Variants in WLS observed in about 807,000 individuals in gnomAD.
WLS encodes protein wntless homolog.
WLS carries 23 observed loss-of-function variants against 62.8 expected under a neutral mutation model. The observed-to-expected ratio is 0.37, with a 90% CI of 0.26 to 0.52. The LOEUF (loss-of-function observed/expected upper bound fraction) is 0.52, where lower values mean the gene tolerates loss of function less well. Ranked by LOEUF, WLS falls within the 20% of genes least tolerant of loss-of-function variation. The pLI, the probability that WLS is intolerant of heterozygous loss-of-function variation, is 0.92. For missense variants in WLS, 615 were observed against 697.3 expected, an observed-to-expected ratio of 0.88 and a Z score of 1.33; for synonymous variants, 246 against 244.1, an observed-to-expected ratio of 1.01 and a Z score of -0.07.
chr1:68,156,208 G>A (rs1344958896), intron 3 of WLS, among the ~76,000 whole-genome samples: 2 of 152,132 alleles, frequency 1.3e-5, no homozygotes, highest in African/African-American at 2.4e-5. Context: ...TATAGAAGAT[G>A]AGAGTCTACC....
At chr1:68,193,611 A>G (rs1648491310) in intron 2 of WLS, among the ~76,000 whole-genome samples, 1 of 151,952 alleles carries the variant, frequency 6.6e-6, no homozygotes, top group African/African-American at 2.4e-5. Flanking sequence ...CATTGGGGTG[A>G]ACTCCCCTGT....
At chr1:68,192,900 G>A (rs1328567250) in intron 2 of WLS, among the ~76,000 whole-genome samples, 1 of 148,304 alleles carries the variant, frequency 6.7e-6, no homozygotes, top group Non-Finnish European at 1.5e-5. Context: ...TTCAAGAGCA[G>A]CCTGGCCAAC....
intron 11 of WLS, among the ~76,000 whole-genome samples, chr1:68,133,268 G>T (rs918344282): frequency 6.6e-6 from 1 of 152,058 alleles, no homozygotes; most frequent in Non-Finnish European, 1.5e-5. Flanking sequence ...ATTCACTGCC[G>T]CTATGGTCCA....
At chr1:68,170,646 C>T (rs1026983614) in intron 2 of WLS, among the ~76,000 whole-genome samples, 2 of 152,200 alleles carry the variant, frequency 1.3e-5, no homozygotes, top group African/African-American at 2.4e-5. Flanking sequence ...GACTCCTACT[C>T]ATCTTCTGGA....
At chr1:68,213,842 T>G (rs1649620554) in intron 1 of WLS, among the ~76,000 whole-genome samples, 1 of 152,216 alleles carries the variant, frequency 6.6e-6, no homozygotes, top group African/African-American at 2.4e-5. Context: ...GCTAACCTAG[T>G]TCAGAACTTG....
chr1:68,171,727 A>G (rs1300060311), intron 2 of WLS, among the ~76,000 whole-genome samples: 10 of 152,262 alleles, frequency 6.6e-5, no homozygotes, highest in Non-Finnish European at 1.5e-5. Flanking sequence ...AGTGTAAATT[A>G]GTTCAACCAT....
At chr1:68,184,644 C>T (rs1210929478) in intron 2 of WLS, among the ~76,000 whole-genome samples, 1 of 152,188 alleles carries the variant, frequency 6.6e-6, no homozygotes, top group Non-Finnish European at 1.5e-5. Flanking sequence ...AAATTGAAAT[C>T]CCATATCCCT....
chr1:68,133,051 GCAGCAACA>G (rs1646552003), intron 11 of WLS, among the ~76,000 whole-genome samples: 1 of 151,954 alleles, frequency 6.6e-6, no homozygotes, highest in Non-Finnish European at 1.5e-5. Flanking sequence ...AAAGGCAGCA[GCAGCAACA>G]GCAACAGCAG....
At chr1:68,204,388 C>T (rs891597330) in intron 1 of WLS, among the ~76,000 whole-genome samples, 8 of 152,014 alleles carry the variant, frequency 5.3e-5, no homozygotes, top group Admixed American at 3.3e-4. Flanking sequence ...GGCGCGGTCT[C>T]GGCTCACTGC....
In WLS at chr1:68,150,413, A is replaced by C; in HGVS notation, c.804-57T>G. On this transcript the variant is annotated intron_variant, in intron 5 of 11. Coordinates refer to ENST00000262348, the MANE Select transcript of WLS (RefSeq NM_024911.7). ...TTATTCATCTGGAAGGCAGATTTTC[A>C]AACAATTCCCCGAATTCAGTTTTGA... The C allele has an allele frequency of 3.8e-6, 6 of 1,597,114 alleles. No homozygotes were observed. In the South Asian group the frequency reaches 5.6e-5, roughly 15 times the overall value.
intron 1 of WLS, among the ~76,000 whole-genome samples, chr1:68,223,096 G>A (rs1047333016): frequency 6.6e-6 from 1 of 152,076 alleles, no homozygotes; most frequent in Admixed American, 6.5e-5. Context: ...AGTGAGGGTT[G>A]GCAAATCATC....
At chr1:68,168,513 A>G (rs11587907) in intron 2 of WLS, among the ~76,000 whole-genome samples, 14,164 of 152,228 alleles carry the variant, frequency 0.093, 732 homozygotes, top group South Asian at 0.13. Context: ...TGGCTGGGTT[A>G]TATTGTTGAC....
At chr1:68,162,989 G>C (rs1484256163) in intron 2 of WLS, 7 of 1,593,094 alleles carry the variant, frequency 4.4e-6, no homozygotes, top group Non-Finnish European at 6.0e-6. Context: ...GCGCCACCAG[G>C]GGGCAGGAGT....
At chr1:68,128,914 G>A (rs1646475744) in intron 11 of WLS, among the ~76,000 whole-genome samples, 1 of 152,080 alleles carries the variant, frequency 6.6e-6, no homozygotes, top group Non-Finnish European at 1.5e-5. Context: ...ATAGGTGCCA[G>A]GATGCAGGCT....
Position 68,147,049 on chromosome 1 carries a change from C to A in WLS, c.1135-1037G>T, listed in dbSNP as rs1646761733. ...TACAGGGATAAGCCACCACACCTGG[C>A]CCAAATTGTCTATTTTTAAAAGCAT... is the stretch of plus-strand genomic sequence containing the variant. On this transcript the variant is annotated intron_variant, in intron 8 of 11. Coordinates refer to ENST00000262348, the MANE Select transcript of WLS (RefSeq NM_024911.7). Among the ~76,000 whole-genome samples the A allele has an allele frequency of 2.0e-5, 3 of 152,284 alleles. No individual in the cohort carries two copies. The South Asian group carries it at 6.2e-4, about 32-fold the overall frequency.
At chr1:68,174,908 T>C (rs868493480) in intron 2 of WLS, among the ~76,000 whole-genome samples, 5 of 152,158 alleles carry the variant, frequency 3.3e-5, no homozygotes, top group South Asian at 2.1e-4. Context: ...CTCTTCTGAG[T>C]GTGAGTAAGA....
chr1:68,198,238 G>C (rs540640419), intron 1 of WLS, among the ~76,000 whole-genome samples: 1 of 152,230 alleles, frequency 6.6e-6, no homozygotes, highest in East Asian at 1.9e-4. Context: ...ACTGTAAACT[G>C]GTTAACTCAT....
intron 1 of WLS, among the ~76,000 whole-genome samples, chr1:68,214,182 A>AAGACACAC (rs1649635556): frequency 1.4e-5 from 2 of 146,512 alleles, no homozygotes; most frequent in Admixed American, 6.8e-5. Flanking sequence ...GTGATCTCTG[A>AAGACACAC]ACACACACAC....
At chr1:68,188,096 C>A (rs573183775) in intron 2 of WLS, among the ~76,000 whole-genome samples, 2 of 152,304 alleles carry the variant, frequency 1.3e-5, no homozygotes, top group East Asian at 3.9e-4. Flanking sequence ...GAACCTGTGG[C>A]AAGTACCTGC....
Sources: allele counts gnomAD v4.1 joint callset (sites outside exome capture counted in the v4.1 genomes callset), GRCh38; gene constraint gnomAD v4.1.1; transcripts MANE v1.5; gene names NCBI Gene and HGNC (gene_info 2026-07-23, HGNC 2026-07-21).